ZZEF1: variants seen among roughly 807,000 people sequenced by gnomAD.
ZZEF1 encodes the protein zinc finger ZZ-type and EF-hand domain containing 1.
Under a neutral mutation model 342.8 loss-of-function variants are expected in ZZEF1, and 157 were observed. The observed-to-expected ratio is 0.46, with a 90% confidence interval of 0.40 to 0.52. The LOEUF (loss-of-function observed/expected upper bound fraction) is 0.52, where lower values mean the gene tolerates loss of function less well. ZZEF1 is among the 20% of genes least tolerant of loss of function. The pLI, the probability that ZZEF1 is intolerant of heterozygous loss-of-function variation, is 0.00. For missense variants in ZZEF1, 3,480 were observed against 3,725.6 expected, an observed-to-expected ratio of 0.93 and a Z score of 1.72; for synonymous variants, 1,505 against 1,429.1, an observed-to-expected ratio of 1.05 and a Z score of -1.20.
Position 4,030,388 on chromosome 17 carries a change from A to G in ZZEF1, c.6892+1738T>C, listed in dbSNP as rs149616547. Among the ~76,000 whole-genome samples, 135 of 152,350 alleles carry G rather than the reference A, an allele frequency of 8.9e-4. 1 individual carries two copies. The highest frequency in any genetic ancestry group is 3.0e-3 in the African/African-American group (124 of 41,590). ...TCAATATAGAAGTCCCTGACTTACA[A>G]TGGTTCAACGTAATGATTTTTCAAC... On this transcript the variant is annotated intron_variant, in intron 42 of 54. Coordinates refer to ENST00000381638, the MANE Select transcript of ZZEF1 (RefSeq NM_015113.4).
intron 9 of ZZEF1, among the ~76,000 whole-genome samples, chr17:4,102,043 C>T (rs771885873): frequency 1.1e-4 from 17 of 152,134 alleles, no homozygotes; most frequent in Admixed American, 6.5e-4. Flanking sequence ...ACTGAAAAAA[C>T]GATTAAAAAA....
intron 39 of ZZEF1, among the ~76,000 whole-genome samples, chr17:4,041,324 CCT>C (rs1193984747): frequency 2.6e-5 from 4 of 152,166 alleles, no homozygotes; most frequent in African/African-American, 9.7e-5. Context: ...GACGCATACC[CCT>C]GTGAATTGTG....
At chr17:4,042,831 G>T (rs1010035690) in intron 38 of ZZEF1, among the ~76,000 whole-genome samples, 1 of 152,156 alleles carries the variant, frequency 6.6e-6, no homozygotes. Flanking sequence ...ACAGGCGTGC[G>T]CCACCTTGCT....
chr17:4,062,678 A>T, intron 30 of ZZEF1, 75 bp downstream of exon 30: 2 of 1,431,384 alleles, frequency 1.4e-6, no homozygotes, highest in Non-Finnish European at 1.9e-6. Context: ...TGCTGCTATT[A>T]ATCAGAGAAG....
At chr17:4,115,109 T>C (rs1392561636) in intron 3 of ZZEF1, among the ~76,000 whole-genome samples, 1 of 151,954 alleles carries the variant, frequency 6.6e-6, no homozygotes, top group Non-Finnish European at 1.5e-5. Context: ...GCAGCCTCGA[T>C]CTCCTAGGCT....
At chr17:4,126,216 A>C (rs1309101119) in intron 1 of ZZEF1, among the ~76,000 whole-genome samples, 24 of 109,800 alleles carry the variant, frequency 2.2e-4, no homozygotes, top group African/African-American at 7.0e-4. Context: ...AGAGAGCAAG[A>C]CTCCGTCTCA....
chr17:4,019,862 C>A, intron 45 of ZZEF1, 93 bp from the exon 46 acceptor site: 1 of 885,500 alleles, frequency 1.1e-6, no homozygotes, highest in Non-Finnish European at 1.7e-6. Flanking sequence ...GACAATATAG[C>A]AAAAGCTGCC....
intron 4 of ZZEF1, among the ~76,000 whole-genome samples, chr17:4,113,466 G>T (rs1340711160): frequency 6.6e-6 from 1 of 152,112 alleles, no homozygotes; most frequent in Admixed American, 6.6e-5. Flanking sequence ...GGGAGCTTGA[G>T]ACCAGCCTGC....
chr17:4,077,910 C>A lies in ZZEF1; in HGVS notation c.2962G>T (p.Asp988Tyr). The part of the protein sequence containing the change: ...QLKSTDSGAK[D>Y]LAVDLIEKYV... Reference sequence around the variant, plus strand: ...TTTTCAATAAGGTCCACGGCAAGATCTTTGGCTCCAGAGTCCGTGCTCTTC... The same window carrying A: ...TTTTCAATAAGGTCCACGGCAAGATATTTGGCTCCAGAGTCCGTGCTCTTC... The change falls in exon 19 of 55, where the codon GAT becomes TAT. Residue 988 changes from aspartate to tyrosine, a missense_variant. Asp to Tyr is a radical substitution (Grantham distance 160). This residue lies in a region of ZZEF1 where 1,528 missense variants were observed against 1,624.1 expected (regional missense o/e 0.94). Coordinates refer to ENST00000381638, the MANE Select transcript of ZZEF1 (RefSeq NM_015113.4). 2 of 1,614,138 alleles carry A rather than the reference C, an allele frequency of 1.2e-6. No homozygotes were observed. The highest frequency in any genetic ancestry group is 1.7e-6 in the Non-Finnish European group (2 of 1,180,024).
rs774816445 is a variant in ZZEF1 at position 4,109,718 on chromosome 17, T to A, written c.1212A>T (p.Thr404=). The A allele has an allele frequency of 1.2e-6, 2 of 1,614,128 alleles. No homozygotes were observed. The highest frequency in any genetic ancestry group is 2.2e-5 in the South Asian group (2 of 91,078). ...TCTCCATAGAAGCCGTCACCAGAGA[T>A]GTCAGCAGAGACCAATACCATATTG... The part of the protein sequence containing the change: ...ASAIWYWSLL[T]SLVTASMETN... Residue 404 remains threonine (T), a synonymous_variant, in exon 6 of 55, where the codon ACA becomes ACT. Coordinates refer to ENST00000381638, the MANE Select transcript of ZZEF1 (RefSeq NM_015113.4).
In ZZEF1 at chr17:4,039,886, T is replaced by C. The variant is rs558579541; in HGVS notation, c.6306+2543A>G. ...GTCTCGATCTCCTGACCTCATGATC[T>C]GCCCGCCTTGGCCTCCCAAAGTGCT... On this transcript the variant is annotated intron_variant, in intron 39 of 54. Coordinates refer to ENST00000381638, the MANE Select transcript of ZZEF1 (RefSeq NM_015113.4). Among the ~76,000 whole-genome samples the C allele has an allele frequency of 1.1e-3, 174 of 152,090 alleles. 1 individual carries two copies. The highest frequency in any genetic ancestry group is 1.9e-3 in the Non-Finnish European group (131 of 67,990).
At chr17:4,063,766 C>T (rs942622490) in intron 29 of ZZEF1, among the ~76,000 whole-genome samples, 3 of 143,422 alleles carry the variant, frequency 2.1e-5, no homozygotes, top group South Asian at 2.2e-4. Flanking sequence ...CTTGCTCTGT[C>T]GCCCAGGTTG....
Position 4,090,784 on chromosome 17 carries a change from A to G in ZZEF1, c.1960T>C (p.Trp654Arg). The part of the protein sequence containing the change: ...DDLGEDDPIG[W>R]FELEEEWDEA... ...TCCCATTCTTCTTCCAGTTCAAACC[A>G]GCCAATAGGATCATCCTCTCCAAGG... The change falls in exon 12 of 55, where the codon TGG (tryptophan) becomes CGG (arginine). Residue 654 changes from tryptophan to arginine, a missense_variant. Physicochemically the swap from Trp to Arg is moderately radical, Grantham distance 101. This residue lies in a region of ZZEF1 where 1,528 missense variants were observed against 1,624.1 expected (regional missense o/e 0.94). Coordinates refer to ENST00000381638, the MANE Select transcript of ZZEF1 (RefSeq NM_015113.4). 8 of 1,614,186 alleles carry G rather than the reference A, an allele frequency of 5.0e-6. No homozygotes were observed. Among genetic ancestry groups the G allele is most frequent in the Non-Finnish European group, 5.9e-6 (7 of 1,180,022 alleles).
At chr17:4,066,320 T>A in intron 28 of ZZEF1, 127 bp downstream of exon 28, 1 of 764,812 alleles carries the variant, frequency 1.3e-6, no homozygotes, top group Non-Finnish European at 2.3e-6. Flanking sequence ...ATATTTAGCA[T>A]CTGTGTTACT....
intron 18 of ZZEF1, among the ~76,000 whole-genome samples, chr17:4,079,231 C>A (rs566252436): frequency 1.3e-5 from 2 of 152,216 alleles, no homozygotes; most frequent in African/African-American, 4.8e-5. Context: ...CCACTCCTCA[C>A]GTGCGGGGCA....
At chr17:4,090,595 T>C in intron 12 of ZZEF1, 124 bp downstream of exon 12, 2 of 712,368 alleles carry the variant, frequency 2.8e-6, no homozygotes, top group South Asian at 1.6e-5. Flanking sequence ...CCACAGAGTA[T>C]GAACTCCCTG....
chr17:4,059,434 A>G, intron 30 of ZZEF1, 144 bp from the exon 31 acceptor site: 2 of 1,008,320 alleles, frequency 2.0e-6, no homozygotes, highest in Non-Finnish European at 2.8e-6. Context: ...CAAATATAAT[A>G]CCTATAGAAG....
intron 38 of ZZEF1, 30 bp from the exon 39 acceptor site, chr17:4,042,598 GCC>G: frequency 6.2e-7 from 1 of 1,606,702 alleles, no homozygotes; most frequent in Non-Finnish European, 8.5e-7. Context: ...TTCAGAATTT[GCC>G]TGCATCTCCA....
In ZZEF1 at chr17:4,019,719, G is replaced by A. The variant is rs550349062; in HGVS notation, c.7455C>T (p.Tyr2485=). ...NAPLHILRAI[Y]ELQMKKTDYF... ...AATCGGTCTTTTTCATCTGCAGTTC[G>A]TATATGGCCCGGAGAATGTGCAGAG... The change falls in exon 46 of 55, where the codon TAC becomes TAT. Residue 2485 remains tyrosine (Y), a synonymous_variant. Transcript: ENST00000381638. The A allele has an allele frequency of 4.3e-6, 7 of 1,612,716 alleles. No homozygotes were observed. Among genetic ancestry groups the A allele is most frequent in the South Asian group, 2.2e-5 (2 of 90,798 alleles).
Sources: gnomAD v4.1 joint callset for allele counts (sites outside exome capture counted in the v4.1 genomes callset) on GRCh38, gnomAD v4.1.1 for gene constraint, gnomAD v4.1.1 regional missense constraint, MANE v1.5 for transcripts, NCBI Gene and HGNC (gene_info 2026-07-23, HGNC 2026-07-21) for gene names.